The following THAP12 variants were observed in gnomAD, a reference collection of about 807,000 sequenced individuals.
The protein encoded by THAP12 is THAP domain containing 12.
Under a neutral mutation model 63.0 loss-of-function variants are expected in THAP12, and 20 were observed. The observed-to-expected ratio is 0.32, with a 90% confidence interval of 0.22 to 0.46. The LOEUF (loss-of-function observed/expected upper bound fraction) is 0.46. Ranked by LOEUF, THAP12 falls within the 20% of genes least tolerant of loss-of-function variation. THAP12 has a pLI of 1.00. For missense variants in THAP12, 568 were observed against 908.2 expected, an observed-to-expected ratio of 0.63 and a Z score of 4.81; for synonymous variants, 264 against 328.4, an observed-to-expected ratio of 0.80 and a Z score of 2.12.
chr11:76,373,938 A>G (rs1946691383), intron 1 of THAP12, among the ~76,000 whole-genome samples: 1 of 152,190 alleles, frequency 6.6e-6, no homozygotes, highest in Non-Finnish European at 1.5e-5. Flanking sequence ...TTAATAAAAA[A>G]TTGCATTTTC....
Position 76,351,080 on chromosome 11 carries a change from C to T in THAP12, c.2070G>A (p.Met690Ile). Residue 690 changes from methionine (M) to isoleucine (I), a missense_variant, in exon 5 of 5, where the codon ATG becomes ATA. Met to Ile is a conservative substitution (Grantham distance 10, BLOSUM62 1). Coordinates refer to ENST00000260045, the MANE Select transcript of THAP12 (RefSeq NM_004705.4). ...TTTCATACCGCTCATTCTCAACCTT[C>T]ATCACAGGAAGAATACACAGGACCT... ...LLKVLCILPVMKVENERYENG... is the reference protein window; with the variant it reads ...LLKVLCILPVIKVENERYENG... The T allele has an allele frequency of 6.2e-7, 1 of 1,611,988 alleles. No homozygotes were observed. Among genetic ancestry groups the T allele is most frequent in the Non-Finnish European group, 8.5e-7 (1 of 1,179,824 alleles).
At position 76,352,073 on chromosome 11, in the gene THAP12, G is replaced by A. The variant is rs1342189159; in HGVS notation, c.1077C>T (p.Cys359=). Residue 359 remains cysteine (C), a synonymous_variant, in exon 5 of 5, where the codon TGC becomes TGT. Coordinates refer to ENST00000260045, the MANE Select transcript of THAP12 (RefSeq NM_004705.4). ...EKYPQAIYTL[C]SSCALNMWLA... is the part of the protein sequence containing the mutation. Reference sequence around the variant, plus strand: ...ACCACATATTTAAGGCACAGGAAGAGCAGAGTGTGTAGATAGCTTGGGGAT... The same window carrying A: ...ACCACATATTTAAGGCACAGGAAGAACAGAGTGTGTAGATAGCTTGGGGAT... 1 of 1,611,970 alleles carries A rather than the reference G, an allele frequency of 6.2e-7. No individual in the cohort carries two copies. The highest frequency in any genetic ancestry group is 2.2e-5 in the East Asian group (1 of 44,884).
At chr11:76,355,562 G>C (rs1267341968) in intron 4 of THAP12, 56 bp downstream of exon 4, 29 of 1,469,824 alleles carry the variant, frequency 2.0e-5, no homozygotes, top group Non-Finnish European at 2.7e-5. Flanking sequence ...GTCCTTACCA[G>C]GTCAAGGCCT....
At chr11:76,354,659 C>T (rs1946548257) in intron 4 of THAP12, among the ~76,000 whole-genome samples, 1 of 152,126 alleles carries the variant, frequency 6.6e-6, no homozygotes, top group Non-Finnish European at 1.5e-5. Flanking sequence ...GCCTCCATGC[C>T]TCCAGTGTTA....
chr11:76,379,645 T>C (rs549780535), intron 1 of THAP12, among the ~76,000 whole-genome samples: 1 of 152,328 alleles, frequency 6.6e-6, no homozygotes, highest in Admixed American at 6.5e-5. Context: ...GTATTTAAAA[T>C]AGCAATTGTG....
chr11:76,362,151 T>C (rs575202715), intron 2 of THAP12, among the ~76,000 whole-genome samples: 65 of 152,316 alleles, frequency 4.3e-4, no homozygotes, highest in African/African-American at 1.5e-3. Flanking sequence ...ATAACTGCTA[T>C]TACACTCCCC....
chr11:76,370,604 C>T (rs765611949), intron 1 of THAP12, among the ~76,000 whole-genome samples: 1 of 152,024 alleles, frequency 6.6e-6, no homozygotes, highest in Non-Finnish European at 1.5e-5. Context: ...GTGAAGTGAT[C>T]GTCCTGCCTC....
intron 1 of THAP12, among the ~76,000 whole-genome samples, chr11:76,366,957 C>A (rs1252000681): frequency 6.6e-6 from 1 of 152,146 alleles, no homozygotes; most frequent in Non-Finnish European, 1.5e-5. Context: ...ATGAGCCAGA[C>A]ACGTTCTAAG....
intron 2 of THAP12, among the ~76,000 whole-genome samples, chr11:76,365,102 G>C (rs1436299778): frequency 2.0e-5 from 3 of 152,078 alleles, no homozygotes; most frequent in African/African-American, 7.2e-5. Flanking sequence ...CCAACATGGA[G>C]AAATCCCACC....
chr11:76,370,552 C>T (rs946206772), intron 1 of THAP12, among the ~76,000 whole-genome samples: 25 of 151,870 alleles, frequency 1.6e-4, no homozygotes, highest in African/African-American at 5.8e-4. Context: ...TTTGTAGAGA[C>T]GGGGTTTCAC....
At chr11:76,377,620 TAC>T (rs978795411) in intron 1 of THAP12, among the ~76,000 whole-genome samples, 3 of 152,276 alleles carry the variant, frequency 2.0e-5, no homozygotes, top group African/African-American at 7.2e-5. Flanking sequence ...TGTATTGATA[TAC>T]ATTTTGTTTA....
Position 76,373,730 on chromosome 11 carries a change from A to AT in THAP12, c.89+7017_89+7018insA, listed in dbSNP as rs1185619514. On this transcript the variant is annotated intron_variant, in intron 1 of 4. Coordinates refer to ENST00000260045, the MANE Select transcript of THAP12 (RefSeq NM_004705.4). ...GAGTAAGACCCCTCAAAAAAAAAAA[A>AT]AGTTTGAAATTTGCTGCTCACATTT... 5.0e-4 allele frequency among the ~76,000 whole-genome samples: 75 copies of AT among 151,240 alleles called. No homozygotes were observed. The South Asian group carries it at 0.015, about 31-fold the overall frequency.
chr11:76,353,107 G>C (rs1946539068), intron 4 of THAP12, among the ~76,000 whole-genome samples: 1 of 151,974 alleles, frequency 6.6e-6, no homozygotes, highest in East Asian at 1.9e-4. Flanking sequence ...GGCTGGTCTT[G>C]AACTCCTGGC....
intron 1 of THAP12, among the ~76,000 whole-genome samples, chr11:76,377,488 T>C (rs1946719152): frequency 6.6e-6 from 1 of 152,256 alleles, no homozygotes; most frequent in African/African-American, 2.4e-5. Flanking sequence ...TTTAATATAA[T>C]AGAATCATAC....
intron 1 of THAP12, 59 bp from the exon 2 acceptor site, chr11:76,366,031 T>TAAAA: frequency 6.3e-7 from 1 of 1,576,328 alleles, no homozygotes; most frequent in Non-Finnish European, 8.6e-7. Flanking sequence ...ATTTCAGCCT[T>TAAAA]CAGTTTTAAG....
intron 1 of THAP12, among the ~76,000 whole-genome samples, chr11:76,377,547 T>C (rs761607469): frequency 6.6e-6 from 1 of 152,270 alleles, no homozygotes; most frequent in Non-Finnish European, 1.5e-5. Flanking sequence ...ATAATGTTTC[T>C]GAGGTTCACC....
At chr11:76,379,539 C>T (rs559542635) in intron 1 of THAP12, among the ~76,000 whole-genome samples, 2 of 152,208 alleles carry the variant, frequency 1.3e-5, no homozygotes, top group African/African-American at 2.4e-5. Context: ...TCTTTGCCTT[C>T]TTTGGAATGC....
chr11:76,351,712 T>A lies in THAP12; in HGVS notation c.1438A>T (p.Ile480Phe). 6.2e-7 allele frequency: 1 copy of A among 1,604,304 alleles called. No homozygotes were observed. Among genetic ancestry groups the A allele is most frequent in the African/African-American group, 1.3e-5 (1 of 74,480 alleles). The change falls in exon 5 of 5, where the codon ATT (isoleucine) becomes TTT (phenylalanine). Residue 480 changes from isoleucine to phenylalanine, a missense_variant. By Grantham distance (21) the Ile-to-Phe change is conservative. Transcript: ENST00000260045. ...LCSAVSDFDF[I>F]VTIVVLKNVL... is the part of the protein sequence containing the mutation. ...TTTTTAAGAACAACAATAGTAACAA[T>A]GAAATCAAAATCTGACACTGCACTG... is the stretch of plus-strand genomic sequence containing the variant.
At chr11:76,370,358 TG>T (rs150308429) in intron 1 of THAP12, among the ~76,000 whole-genome samples, 29,110 of 151,802 alleles carry the variant, frequency 0.19, 3,360 homozygotes, top group Admixed American at 0.33. Context: ...TCTGTGCATA[TG>T]TTTTTTGGGG....
Sources: gnomAD v4.1 joint callset for allele counts (sites outside exome capture counted in the v4.1 genomes callset) on GRCh38, gnomAD v4.1.1 for gene constraint, MANE v1.5 for transcripts, NCBI Gene and HGNC (gene_info 2026-07-23, HGNC 2026-07-21) for gene names.